The following SNX29 variants were observed in gnomAD, a reference collection of about 807,000 sequenced individuals.
SNX29 encodes sorting nexin 29, also known as sorting nexin-29.
Under a neutral mutation model 102.1 loss-of-function variants are expected in SNX29, and 78 were observed. The ratio of observed to expected loss-of-function variants is 0.76; its 90% CI spans 0.64 to 0.92. The LOEUF (loss-of-function observed/expected upper bound fraction) is 0.92. SNX29 is among the 40% of genes least tolerant of loss of function. The probability of loss-of-function intolerance (pLI) is 0.00; values close to 1 mark genes in which losing one functional copy is unlikely to be tolerated. For synonymous variants in SNX29, 580 were observed against 414.5 expected (o/e 1.40, Z -4.85); for missense variants, 1,280 against 1,061.7 (o/e 1.21, Z -2.86).
At chr16:12,047,724 C>T in intron 6 of SNX29, among the ~76,000 whole-genome samples, 1 of 143,748 alleles carries the variant, frequency 7.0e-6, no homozygotes, top group East Asian at 2.2e-4. Context: ...ATGGCAGGAT[C>T]TTGGCTCACC....
chr16:12,393,406 A>T (rs900605029), intron 16 of SNX29, among the ~76,000 whole-genome samples: 1 of 139,456 alleles, frequency 7.2e-6, no homozygotes, highest in African/African-American at 2.5e-5. Flanking sequence ...GCATGCATGC[A>T]TGCATGCATT....
At chr16:12,057,579 AG>A (rs1468232088) in intron 8 of SNX29, among the ~76,000 whole-genome samples, 2 of 152,186 alleles carry the variant, frequency 1.3e-5, no homozygotes, top group African/African-American at 2.4e-5. Flanking sequence ...CCCTCGATTC[AG>A]GGAAAAGTTG....
At chr16:12,463,807 T>C (rs916633722) in intron 18 of SNX29, among the ~76,000 whole-genome samples, 1 of 146,404 alleles carries the variant, frequency 6.8e-6, no homozygotes, top group Non-Finnish European at 1.5e-5. Flanking sequence ...ATCCACCACC[T>C]CCCGAAGTGA....
At chr16:12,287,800 G>C (rs1309813214) in intron 15 of SNX29, among the ~76,000 whole-genome samples, 3 of 152,140 alleles carry the variant, frequency 2.0e-5, no homozygotes, top group South Asian at 2.1e-4. Flanking sequence ...CATATGTTCT[G>C]TCACCTGTGT....
At chr16:12,237,540 G>A (rs1389017894) in intron 14 of SNX29, among the ~76,000 whole-genome samples, 3 of 152,296 alleles carry the variant, frequency 2.0e-5, no homozygotes, top group Middle Eastern at 6.8e-3. Flanking sequence ...GGAGGCTGAG[G>A]TGGGTGGATC....
intron 19 of SNX29, among the ~76,000 whole-genome samples, chr16:12,488,356 A>G (rs1428591399): frequency 3.9e-5 from 6 of 152,114 alleles, no homozygotes; most frequent in South Asian, 2.1e-4. Flanking sequence ...CCTGACTTCA[A>G]AAACATGAGC....
intron 4 of SNX29, among the ~76,000 whole-genome samples, chr16:12,038,075 C>G (rs2057525854): frequency 6.6e-6 from 1 of 152,134 alleles, no homozygotes; most frequent in Admixed American, 6.6e-5. Flanking sequence ...TCATTGAGCA[C>G]CAATTATATG....
At position 12,280,531 on chromosome 16, in the gene SNX29, G is replaced by T. The variant is rs72786337; in HGVS notation, c.1782+2495G>T. Among the ~76,000 whole-genome samples the T allele has an allele frequency of 5.5e-3, 829 of 151,976 alleles. 12 individuals carry two copies. The highest frequency in any genetic ancestry group is 9.8e-3 in the Non-Finnish European group (668 of 67,970). On this transcript the variant is annotated intron_variant, in intron 15 of 20. Transcript: ENST00000566228. Reference sequence around the variant, plus strand: ...GCTTCCTTTCTTTTCCTTCTTGTTTGTTTTTTTTATCCCGGGAGCAGTAGA... The same window carrying T: ...GCTTCCTTTCTTTTCCTTCTTGTTTTTTTTTTTTATCCCGGGAGCAGTAGA...
intron 20 of SNX29, among the ~76,000 whole-genome samples, chr16:12,535,244 C>G (rs2077042220): frequency 6.6e-6 from 1 of 152,148 alleles, no homozygotes; most frequent in Non-Finnish European, 1.5e-5. Flanking sequence ...GCTCAAGCGA[C>G]TTTTGTGCTT....
At chr16:12,317,290 C>T (rs2080779711) in intron 15 of SNX29, among the ~76,000 whole-genome samples, 1 of 152,184 alleles carries the variant, frequency 6.6e-6, no homozygotes, top group Non-Finnish European at 1.5e-5. Flanking sequence ...TTCGCAGGCC[C>T]CAGATGCGCA....
intron 13 of SNX29, among the ~76,000 whole-genome samples, chr16:12,155,284 T>G (rs904536908): frequency 6.6e-6 from 1 of 152,204 alleles, no homozygotes; most frequent in African/African-American, 2.4e-5. Context: ...TCAGGTATAT[T>G]CTATGTATTA....
At chr16:12,244,395 A>G (rs1183570525) in intron 14 of SNX29, among the ~76,000 whole-genome samples, 1 of 152,166 alleles carries the variant, frequency 6.6e-6, no homozygotes, top group East Asian at 1.9e-4. Flanking sequence ...GATCACTTGC[A>G]GTCAGGAGTT....
chr16:12,148,696 T>C (rs750401319), intron 13 of SNX29, among the ~76,000 whole-genome samples: 2 of 152,102 alleles, frequency 1.3e-5, no homozygotes, highest in Non-Finnish European at 2.9e-5. Flanking sequence ...TGTCTTGTTT[T>C]ATTTTATTTT....
In SNX29 at chr16:12,127,424, C is replaced by CT. The variant is rs71139577; in HGVS notation, c.1466+744dup. On this transcript the variant is annotated intron_variant, in intron 12 of 20. Coordinates refer to ENST00000566228, the MANE Select transcript of SNX29 (RefSeq NM_032167.5). ...TTATCACCTCCTTAGCCTAGGCAGTCTTTTTTTTTTTTTTTTGAGATAGTT... is the reference window on the plus strand; with the variant it reads ...TTATCACCTCCTTAGCCTAGGCAGTCTTTTTTTTTTTTTTTTTGAGATAGTT... 1.5e-3 allele frequency among the ~76,000 whole-genome samples: 193 copies of CT among 128,658 alleles called. 2 individuals carry two copies. Among genetic ancestry groups the CT allele is most frequent in the South Asian group, 8.7e-3 (33 of 3,802 alleles). The allele number at this position is 128,658 out of a possible 152,430, so 84.4% of individuals were successfully genotyped here.
At chr16:12,466,591 T>C (rs2087063776) in intron 18 of SNX29, among the ~76,000 whole-genome samples, 1 of 152,200 alleles carries the variant, frequency 6.6e-6, no homozygotes, top group Non-Finnish European at 1.5e-5. Context: ...CCTTCATGCC[T>C]TGCTTGTGTC....
chr16:12,313,202 C>A (rs547377480), intron 15 of SNX29, among the ~76,000 whole-genome samples: 2 of 151,982 alleles, frequency 1.3e-5, no homozygotes, highest in African/African-American at 4.8e-5. Flanking sequence ...TTAGTAGAGA[C>A]GGGGTTTCAC....
At chr16:12,301,213 A>C (rs2080163537) in intron 15 of SNX29, among the ~76,000 whole-genome samples, 1 of 152,328 alleles carries the variant, frequency 6.6e-6, no homozygotes, top group African/African-American at 2.4e-5. Context: ...TTGCTACCAC[A>C]AATCTAACTT....
chr16:12,325,243 A>G (rs1174693660), intron 15 of SNX29, among the ~76,000 whole-genome samples: 1 of 152,212 alleles, frequency 6.6e-6, no homozygotes, highest in East Asian at 1.9e-4. Flanking sequence ...TTTTTAAGAA[A>G]GAGCAGAAAT....
Position 12,048,440 on chromosome 16 carries a change from C to T in SNX29, c.568C>T (p.Pro190Ser). 3.1e-6 allele frequency: 5 copies of T among 1,613,698 alleles called. No homozygotes were observed. Among genetic ancestry groups the T allele is most frequent in the Non-Finnish European group, 4.2e-6 (5 of 1,179,826 alleles). ...KDLNGQSKFA[P>S]TVSDLLKEST... ...TTTGAACGGGCAGAGTAAGTTTGCT[C>T]CCACCGTTTCAGACCTCTTAAAGGA... Residue 190 changes from proline (P) to serine (S), a missense_variant, in exon 7 of 21, where the codon CCC becomes TCC. Pro to Ser is a moderately conservative substitution (Grantham distance 74, BLOSUM62 -1). Coordinates refer to ENST00000566228, the MANE Select transcript of SNX29 (RefSeq NM_032167.5).
Sources: gnomAD v4.1 joint callset for allele counts (sites outside exome capture counted in the v4.1 genomes callset) on GRCh38, gnomAD v4.1.1 for gene constraint, MANE v1.5 for transcripts, NCBI Gene and HGNC (gene_info 2026-07-23, HGNC 2026-07-21) for gene names.